Variants in ETV4 observed in about 807,000 individuals in gnomAD.
ETV4 encodes ETS variant transcription factor 4, also known as ETS translocation variant 4.
ETV4 carries 42 observed loss-of-function variants against 65.9 expected under a neutral mutation model. That is an observed-to-expected ratio of 0.64 (90% CI 0.50 to 0.82). The LOEUF (loss-of-function observed/expected upper bound fraction) is 0.82, where lower values mean the gene tolerates loss of function less well. Ranked by LOEUF, ETV4 falls within the 40% of genes least tolerant of loss-of-function variation. The probability of loss-of-function intolerance (pLI) is 0.00; values close to 1 mark genes in which losing one functional copy is unlikely to be tolerated. For missense variants in ETV4, 583 were observed against 630.3 expected, an observed-to-expected ratio of 0.92 and a Z score of 0.80; for synonymous variants, 238 against 260.0, an observed-to-expected ratio of 0.92 and a Z score of 0.81.
At chr17:43,540,886 C>T (rs1039867204) in intron 4 of ETV4, among the ~76,000 whole-genome samples, 3 of 152,120 alleles carry the variant, frequency 2.0e-5, no homozygotes, top group African/African-American at 7.2e-5. Flanking sequence ...GTGCAGAACT[C>T]AGGGGTGGCT....
intron 2 of ETV4, 69 bp downstream of exon 2, chr17:43,545,489 G>GGGGGGCTGTGGTGAGAGT (rs1971766561): frequency 4.1e-6 from 6 of 1,475,866 alleles, no homozygotes; most frequent in Non-Finnish European, 5.5e-6. Context: ...ACTGCGGGGA[G>GGGGGGCTGTGGTGAGAGT]GGGGGCTGTG....
At chr17:43,532,645 T>C in intron 8 of ETV4, 29 bp downstream of exon 8, 1 of 1,592,272 alleles carries the variant, frequency 6.3e-7, no homozygotes, top group South Asian at 1.1e-5. Context: ...CTTGATCACA[T>C]GCCACCCTGC....
intron 4 of ETV4, 141 bp from the exon 5 acceptor site, chr17:43,536,620 T>C (rs868528811): frequency 3.0e-6 from 2 of 671,354 alleles, no homozygotes; most frequent in African/African-American, 3.6e-5. Flanking sequence ...ATTGTAAGAA[T>C]TGTCTTGGGC....
chr17:43,528,688 G>A lies in ETV4; in HGVS notation c.1286C>T (p.Ser429Phe). ...KFVCEPEALF[S>F]LAFPDNQRPA... The stretch of plus-strand genomic sequence containing the variant: ...ACGCTGATTGTCCGGGAAGGCCAAA[G>A]AGAAGAGGGCCTCGGGCTCACACAC... Residue 429 changes from serine to phenylalanine, a missense_variant, in exon 13 of 13, where the codon TCT (serine) becomes TTT (phenylalanine). By Grantham distance (155) the Ser-to-Phe change is radical. Transcript: ENST00000319349. 2 of 1,614,192 alleles carry A rather than the reference G, an allele frequency of 1.2e-6. No homozygotes were observed. Among genetic ancestry groups the A allele is most frequent in the Non-Finnish European group, 1.7e-6 (2 of 1,180,036 alleles).
At chr17:43,538,558 C>T (rs935546028) in intron 4 of ETV4, among the ~76,000 whole-genome samples, 3 of 152,172 alleles carry the variant, frequency 2.0e-5, no homozygotes, top group Non-Finnish European at 4.4e-5. Flanking sequence ...TCCATGGCTT[C>T]TAACCTGAAC....
intron 4 of ETV4, 133 bp downstream of exon 4, chr17:43,544,842 G>T: frequency 1.3e-6 from 1 of 778,446 alleles, no homozygotes. Flanking sequence ...GGGACCTGGG[G>T]AGAGGGCCTT....
intron 8 of ETV4, among the ~76,000 whole-genome samples, chr17:43,532,472 C>T: frequency 6.6e-6 from 1 of 151,566 alleles, no homozygotes; most frequent in African/African-American, 2.4e-5. Flanking sequence ...GCACTCTAGC[C>T]TGGGCCAGAG....
In ETV4 at chr17:43,529,571, G is replaced by T; in HGVS notation, c.1061C>A (p.Pro354Gln). Residue 354 changes from proline (P) to glutamine (Q), a missense_variant, in exon 11 of 13, where the codon CCA becomes CAA. By Grantham distance (76) the Pro-to-Gln change is moderately conservative. Coordinates refer to ENST00000319349, the MANE Select transcript of ETV4 (RefSeq NM_001079675.5). Reference sequence around the variant, plus strand: ...CCAGGCAATGAAATGGGCATTTGTTGGGTCATCCAGCAAGGCCACCAGAAA... The same window carrying T: ...CCAGGCAATGAAATGGGCATTTGTTTGGTCATCCAGCAAGGCCACCAGAAA... ...WQFLVALLDD[P>Q]TNAHFIAWTG... 6.2e-7 allele frequency: 1 copy of T among 1,614,058 alleles called. No homozygotes were observed.
At position 43,529,735 on chromosome 17, in the gene ETV4, G is replaced by T. The variant is rs376090324; in HGVS notation, c.956-59C>A. The T allele has an allele frequency of 6.3e-6, 10 of 1,588,472 alleles. No individual in the cohort carries two copies. The African/African-American group carries it at 9.4e-5, about 15-fold the overall frequency. On this transcript the variant is annotated intron_variant, in intron 10 of 12. Coordinates refer to ENST00000319349, the MANE Select transcript of ETV4 (RefSeq NM_001079675.5). ...GTGTCTTTTGGTCCCCCAAGCAACC[G>T]CCTCCCACCCGAGGGATTTCTCGAA...
At chr17:43,539,024 C>T (rs76280498) in intron 4 of ETV4, among the ~76,000 whole-genome samples, 12,143 of 152,304 alleles carry the variant, frequency 0.08, 653 homozygotes, top group South Asian at 0.16. Flanking sequence ...ATTTCACCCA[C>T]GGCCTCTTAC....
At chr17:43,535,652 C>T (rs534046219) in intron 5 of ETV4, among the ~76,000 whole-genome samples, 3 of 152,262 alleles carry the variant, frequency 2.0e-5, no homozygotes, top group South Asian at 2.1e-4. Flanking sequence ...TTGTAAGGAG[C>T]GGTCCTGAGC....
intron 5 of ETV4, among the ~76,000 whole-genome samples, chr17:43,535,748 A>G (rs1971207570): frequency 1.3e-5 from 2 of 152,180 alleles, no homozygotes; most frequent in Admixed American, 1.3e-4. Flanking sequence ...ACAACCAAAA[A>G]TGTCTACAGA....
chr17:43,540,080 C>A (rs1479540881), intron 4 of ETV4, among the ~76,000 whole-genome samples: 1 of 152,216 alleles, frequency 6.6e-6, no homozygotes, highest in Non-Finnish European at 1.5e-5. Context: ...CAGCACACAT[C>A]TTTTCAGGAG....
intron 2 of ETV4, 81 bp from the exon 3 acceptor site, chr17:43,545,448 CAG>C (rs971762574): frequency 8.7e-6 from 12 of 1,377,760 alleles, no homozygotes; most frequent in African/African-American, 6.2e-5. Context: ...TCGGGTGACT[CAG>C]GGGCGGGGCA....
chr17:43,545,064 C>T (rs772986282), intron 3 of ETV4, 42 bp from the exon 4 acceptor site: 2 of 1,597,510 alleles, frequency 1.3e-6, no homozygotes, highest in Admixed American at 3.3e-5. Context: ...GTGGAGGGGA[C>T]GGTAAGAGAG....
At position 43,545,587 on chromosome 17, in the gene ETV4, C is replaced by A. The variant is rs2154587340; in HGVS notation, c.31G>T (p.Asp11Tyr). The A allele has an allele frequency of 6.4e-7, 1 of 1,550,862 alleles. No homozygotes were observed. The highest frequency in any genetic ancestry group is 2.4e-5 in the East Asian group (1 of 40,882). Reference protein sequence around the residue: MERRMKAGYLDQQVPYTFSSK... With the variant: MERRMKAGYLYQQVPYTFSSK... ...CTGAAGGTGTAGGGCACTTGCTGGT[C>A]CAAGTATCCGGCTTTCATCCTCCGC... Residue 11 changes from aspartate to tyrosine, a missense_variant, in exon 2 of 13, where the codon GAC becomes TAC. Physicochemically the swap from Asp to Tyr is radical, Grantham distance 160. Transcript: ENST00000319349.
intron 5 of ETV4, among the ~76,000 whole-genome samples, chr17:43,534,199 T>C (rs562096718): frequency 6.6e-6 from 1 of 152,322 alleles, no homozygotes; most frequent in African/African-American, 2.4e-5. Context: ...TGTCTGATTA[T>C]TGACTAAATA....
At chr17:43,533,141 A>G (rs1461761010) in intron 7 of ETV4, 46 bp downstream of exon 7, 2 of 1,600,290 alleles carry the variant, frequency 1.2e-6, no homozygotes, top group Non-Finnish European at 1.7e-6. Flanking sequence ...TCAGGAATTG[A>G]AAAAACACCT....
chr17:43,534,678 G>A (rs995628137), intron 5 of ETV4, among the ~76,000 whole-genome samples: 1 of 151,532 alleles, frequency 6.6e-6, no homozygotes, highest in Non-Finnish European at 1.5e-5. Flanking sequence ...GGTGGCTCAC[G>A]CCTGTAATCC....
Sources: gnomAD v4.1 joint callset for allele counts (sites outside exome capture counted in the v4.1 genomes callset) on GRCh38, gnomAD v4.1.1 for gene constraint, MANE v1.5 for transcripts, NCBI Gene and HGNC (gene_info 2026-07-23, HGNC 2026-07-21) for gene names.